BANP: variants seen among roughly 807,000 people sequenced by gnomAD.
BANP encodes the protein BTG3 associated nuclear protein, also known as protein BANP.
BANP carries 11 observed loss-of-function variants against 68.1 expected under a neutral mutation model. That is an observed-to-expected ratio of 0.16 (90% CI 0.10 to 0.27). The LOEUF (loss-of-function observed/expected upper bound fraction) is 0.27. Among genes scored for constraint, BANP ranks in the 10% least tolerant of loss-of-function variants. BANP has a pLI of 1.00. For synonymous variants in BANP, 329 were observed against 303.2 expected, an observed-to-expected ratio of 1.09 and a Z score of -0.88; for missense variants, 504 against 722.7, an observed-to-expected ratio of 0.70 and a Z score of 3.47.
intron 9 of BANP, among the ~76,000 whole-genome samples, chr16:88,034,047 T>C (rs1486305734): frequency 6.6e-6 from 1 of 152,182 alleles, no homozygotes; most frequent in African/African-American, 2.4e-5. Context: ...ACCAGGGCTT[T>C]CTCCTGGAAA....
intron 1 of BANP, among the ~76,000 whole-genome samples, chr16:87,961,473 C>T (rs1330487985): frequency 6.8e-6 from 1 of 146,924 alleles, no homozygotes; most frequent in African/African-American, 2.5e-5. Flanking sequence ...GTGAGGCTGC[C>T]TTTTTGTCAT....
At chr16:88,039,381 G>A (rs1055403094) in intron 11 of BANP, among the ~76,000 whole-genome samples, 1 of 143,650 alleles carries the variant, frequency 7.0e-6, no homozygotes, top group African/African-American at 2.4e-5. Flanking sequence ...TCACGGTCAC[G>A]GGGGCAGCAG....
At chr16:87,978,668 C>G in intron 2 of BANP, 1 of 469,900 alleles carries the variant, frequency 2.1e-6, no homozygotes, top group Admixed American at 2.3e-5. Flanking sequence ...CGCACCTCAG[C>G]CCCTGAGTAG....
intron 11 of BANP, among the ~76,000 whole-genome samples, chr16:88,056,430 A>G (rs948501487): frequency 4.0e-5 from 6 of 151,344 alleles, no homozygotes; most frequent in African/African-American, 1.5e-4. Context: ...CAAGCTGGAC[A>G]AAGTGTTTGG....
At chr16:88,019,604 AGCGTGCGGGGGGCGTCCGG>A (rs2075498785) in intron 7 of BANP, among the ~76,000 whole-genome samples, 1 of 17,588 alleles carries the variant, frequency 5.7e-5, no homozygotes, top group Non-Finnish European at 7.9e-5. Flanking sequence ...GCGGGATCTC[AGCGTGCGGGGGGCGTCCGG>A]GCGTGCGGGA....
intron 2 of BANP, chr16:87,980,767 T>G (rs2063106465): frequency 2.3e-6 from 1 of 431,956 alleles, no homozygotes; most frequent in East Asian, 4.6e-5. Flanking sequence ...CCGCAGAGCA[T>G]GGAGTCAGAA....
chr16:87,955,159 G>A (rs115157799), intron 1 of BANP, among the ~76,000 whole-genome samples: 114 of 152,336 alleles, frequency 7.5e-4, no homozygotes, highest in African/African-American at 2.6e-3. Context: ...AGTGGTGAGC[G>A]TACTGGGAGC....
rs2152920728 is a variant in BANP at position 88,071,763 on chromosome 16, CTT to C, written c.1378-302_1378-301del. The C allele has an allele frequency of 3.3e-6, 2 of 613,808 alleles. No homozygotes were observed. The highest frequency in any genetic ancestry group is 1.5e-5 in the South Asian group (1 of 65,862). The allele number at this position is 613,808 out of a possible 1,614,324, so 38.0% of individuals were successfully genotyped here. ...GCTCTGTGGCATTTGCTGTTGCTCT[CTT>C]TTTCTGTGGAAGCTCTGCCTTGCTT... On this transcript the variant is annotated intron_variant, in intron 12 of 13. Coordinates refer to ENST00000682872, the MANE Select transcript of BANP (RefSeq NM_001386991.1). This position sits in a 1 kb window ranked among gnomAD's most constrained non-coding sequence, Gnocchi z 6.5.
At chr16:88,066,898 G>A (rs2088793797) in intron 12 of BANP, among the ~76,000 whole-genome samples, 1 of 152,252 alleles carries the variant, frequency 6.6e-6, no homozygotes, top group Non-Finnish European at 1.5e-5. Context: ...GGCGCTGTCA[G>A]TGGCTGTGCG....
Position 88,004,042 on chromosome 16 carries a change from G to T in BANP, c.363-253G>T. On this transcript the variant is annotated intron_variant, in intron 4 of 13. Coordinates refer to ENST00000682872, the MANE Select transcript of BANP (RefSeq NM_001386991.1). The surrounding 1 kb of genome is among the most constrained non-coding windows in gnomAD (Gnocchi z 7.0). ...CTGTCCTGTGCTATCCAGTTGTGCA[G>T]ACAGATCACCAACAATTAGGAAAAG... The T allele has an allele frequency of 4.5e-6, 2 of 442,772 alleles. No homozygotes were observed. The highest frequency in any genetic ancestry group is 4.2e-5 in the South Asian group (2 of 47,462). The allele number at this position is 442,772 out of a possible 1,614,324, so 27.4% of individuals were successfully genotyped here.
intron 11 of BANP, among the ~76,000 whole-genome samples, chr16:88,042,842 A>G (rs9936067): frequency 0.71 from 107,135 of 151,930 alleles, 38,645 homozygotes; most frequent in Non-Finnish European, 0.8. Flanking sequence ...GCTTGAGCCC[A>G]GGAGGCCCAG....
chr16:87,983,283 G>C (rs1380194616), intron 3 of BANP, among the ~76,000 whole-genome samples: 1 of 152,288 alleles, frequency 6.6e-6, no homozygotes, highest in African/African-American at 2.4e-5. Context: ...CCTTCTGTCT[G>C]CTGGTGAGAC....
At position 88,002,719 on chromosome 16, in the gene BANP, GA is replaced by G. The variant is rs1222691731; in HGVS notation, c.363-1568del. 2.0e-5 allele frequency among the ~76,000 whole-genome samples: 3 copies of G among 151,698 alleles called. No individual in the cohort carries two copies. Among genetic ancestry groups the G allele is most frequent in the East Asian group, 1.9e-4 (1 of 5,182 alleles). On this transcript the variant is annotated intron_variant, in intron 4 of 13. Transcript: ENST00000682872. The surrounding 1 kb of genome is among the most constrained non-coding windows in gnomAD (Gnocchi z 4.6). Reference sequence around the variant, plus strand: ...CTTCACCTTAATAAGGATCTTCAAGGAAAAAAAAGGTATATTTGGTCAAATG... The same window carrying G: ...CTTCACCTTAATAAGGATCTTCAAGGAAAAAAAGGTATATTTGGTCAAATG...
intron 3 of BANP, among the ~76,000 whole-genome samples, chr16:87,983,651 G>A (rs1475682574): frequency 6.6e-6 from 1 of 151,878 alleles, no homozygotes; most frequent in Non-Finnish European, 1.5e-5. Flanking sequence ...CGGGCTGTGA[G>A]GCGAATGTGC....
intron 8 of BANP, among the ~76,000 whole-genome samples, chr16:88,029,999 A>G (rs1050364199): frequency 6.6e-6 from 1 of 152,212 alleles, no homozygotes; most frequent in Admixed American, 6.5e-5. Flanking sequence ...TGGTGGTTGG[A>G]TTCCCACTGG....
chr16:87,953,943 C>CCTGAACG (rs1567561925), intron 1 of BANP, among the ~76,000 whole-genome samples: 1 of 152,226 alleles, frequency 6.6e-6, no homozygotes, highest in East Asian at 1.9e-4. Flanking sequence ...CCTCTCCCTC[C>CCTGAACG]CTGAACGCTC....
At chr16:87,953,951 C>G (rs939049398) in intron 1 of BANP, among the ~76,000 whole-genome samples, 1 of 152,228 alleles carries the variant, frequency 6.6e-6, no homozygotes, top group African/African-American at 2.4e-5. Flanking sequence ...TCCCTGAACG[C>G]TCTTGGATCT....
intron 11 of BANP, among the ~76,000 whole-genome samples, chr16:88,060,741 C>G (rs2086517604): frequency 6.6e-6 from 1 of 152,096 alleles, no homozygotes; most frequent in South Asian, 2.1e-4. Context: ...GCCGGGCTCC[C>G]CGACCTGCCC....
Position 88,064,666 on chromosome 16 carries a change from A to G in BANP, c.1312-601A>G, listed in dbSNP as rs1400788485. Among the ~76,000 whole-genome samples the G allele has an allele frequency of 6.6e-6, 1 of 152,230 alleles. No individual in the cohort carries two copies. Among genetic ancestry groups the G allele is most frequent in the African/African-American group, 2.4e-5 (1 of 41,470 alleles). ...ACATGCCTTCCTCCCTTAAAAAACA[A>G]CAACGCTTTTGCCAGACACAAGAGG... On this transcript the variant is annotated intron_variant, in intron 11 of 13. Transcript: ENST00000682872. The surrounding 1 kb of genome is among the most constrained non-coding windows in gnomAD (Gnocchi z 4.5).
Sources: allele counts gnomAD v4.1 joint callset (sites outside exome capture counted in the v4.1 genomes callset), GRCh38; gene constraint gnomAD v4.1.1; non-coding constraint Gnocchi (gnomAD v3.1); transcripts MANE v1.5; gene names NCBI Gene and HGNC (gene_info 2026-07-23, HGNC 2026-07-21).